CAMTA1: variants seen among roughly 807,000 people sequenced by gnomAD.
The protein encoded by CAMTA1 is calmodulin binding transcription activator 1.
In CAMTA1, 27 loss-of-function variants were observed where a neutral mutation model predicts 170.9. The ratio of observed to expected loss-of-function variants is 0.16; its 90% CI spans 0.12 to 0.22. The LOEUF (loss-of-function observed/expected upper bound fraction) is 0.22, where lower values mean the gene tolerates loss of function less well. Among genes scored for constraint, CAMTA1 ranks in the 10% least tolerant of loss-of-function variants. The probability of loss-of-function intolerance (pLI) is 1.00; values close to 1 mark genes in which losing one functional copy is unlikely to be tolerated. For synonymous variants in CAMTA1, 833 were observed against 891.5 expected, an observed-to-expected ratio of 0.93 and a Z score of 1.17; for missense variants, 1,619 against 2,217.2, an observed-to-expected ratio of 0.73 and a Z score of 5.42.
intron 3 of CAMTA1, among the ~76,000 whole-genome samples, chr1:6,901,020 A>G (rs1676820407): frequency 6.6e-6 from 1 of 152,240 alleles, no homozygotes; most frequent in Non-Finnish European, 1.5e-5. Context: ...TAATCAAGAC[A>G]GTGTGGTATT....
intron 3 of CAMTA1, among the ~76,000 whole-genome samples, chr1:6,895,845 G>T (rs576420801): frequency 8.5e-4 from 129 of 151,982 alleles, no homozygotes; most frequent in Non-Finnish European, 1.6e-3. Context: ...TGGCAGTGTG[G>T]TTTTTTTCGT....
Position 7,727,121 on chromosome 1 carries a change from A to ATTT in CAMTA1, c.2915-5310_2915-5308dup, listed in dbSNP as rs71567310. 1.0e-3 allele frequency among the ~76,000 whole-genome samples: 132 copies of ATTT among 130,334 alleles called. 2 individuals carry two copies. Among genetic ancestry groups the ATTT allele is most frequent in the Middle Eastern group, 4.2e-3 (1 of 240 alleles). 85.5% of individuals were successfully genotyped at this position (130,334 alleles called of 152,430 possible). ...ACTCCCCTTTCTCTGCCTTGTATTA[A>ATTT]TTTTTTTTTTTTTTTTTTTGAGACA... On this transcript the variant is annotated intron_variant, in intron 11 of 22. Coordinates refer to ENST00000303635, the MANE Select transcript of CAMTA1 (RefSeq NM_015215.4).
intron 3 of CAMTA1, among the ~76,000 whole-genome samples, chr1:7,075,356 G>A (rs1362872654): frequency 6.6e-6 from 1 of 152,158 alleles, no homozygotes; most frequent in Non-Finnish European, 1.5e-5. Flanking sequence ...GAAGTTTCAG[G>A]AAACAATGTT....
intron 5 of CAMTA1, among the ~76,000 whole-genome samples, chr1:7,304,949 A>AT (rs899302667): frequency 1.3e-5 from 2 of 152,070 alleles, no homozygotes; most frequent in Non-Finnish European, 2.9e-5. Context: ...TTACAAAAAA[A>AT]TGTTTTTGGT....
chr1:7,440,142 G>A (rs1183424712), intron 5 of CAMTA1, among the ~76,000 whole-genome samples: 1 of 152,272 alleles, frequency 6.6e-6, no homozygotes, highest in Non-Finnish European at 1.5e-5. Context: ...CGAGAGGGCA[G>A]GCTAGGGACT....
chr1:7,402,673 G>T (rs911388311), intron 5 of CAMTA1, among the ~76,000 whole-genome samples: 5 of 152,148 alleles, frequency 3.3e-5, no homozygotes, highest in African/African-American at 9.7e-5. Flanking sequence ...AGGGCCTTCT[G>T]TCTGGGTTTG....
In CAMTA1 at chr1:7,100,583, C is replaced by T. The variant is rs140895564; in HGVS notation, c.302+9212C>T. Among the ~76,000 whole-genome samples the T allele has an allele frequency of 6.0e-3, 912 of 152,328 alleles. 2 individuals are homozygous for T. Among genetic ancestry groups the T allele is most frequent in the Middle Eastern group, 0.01 (3 of 294 alleles). On this transcript the variant is annotated intron_variant, in intron 4 of 22. Transcript: ENST00000303635. ...AGTGCAGTTTGGAGGTTTCTAAGTG[C>T]GCAGCTGCTCAGGGCTGGGAAATCC...
intron 4 of CAMTA1, among the ~76,000 whole-genome samples, chr1:7,119,732 C>G (rs938693615): frequency 6.6e-6 from 1 of 152,152 alleles, no homozygotes; most frequent in African/African-American, 2.4e-5. Context: ...AACAATACAA[C>G]AGTAACAAAG....
At chr1:6,917,846 G>A (rs1177227851) in intron 3 of CAMTA1, among the ~76,000 whole-genome samples, 1 of 80,444 alleles carries the variant, frequency 1.2e-5, no homozygotes, top group Non-Finnish European at 3.1e-5. Context: ...AAAACCCATC[G>A]GGGGCGGGGG....
chr1:7,370,205 C>T (rs3752542), intron 5 of CAMTA1: 27,049 of 152,314 alleles, frequency 0.18, 3,046 homozygotes, highest in East Asian at 0.55. Flanking sequence ...GCTACAGCAG[C>T]AACTTTATTT....
intron 3 of CAMTA1, among the ~76,000 whole-genome samples, chr1:7,051,970 C>A (rs895277044): frequency 2.6e-5 from 4 of 151,906 alleles, no homozygotes; most frequent in Non-Finnish European, 5.9e-5. Flanking sequence ...CCCCTTCTTC[C>A]GCTCAGGGGC....
At chr1:7,698,709 C>T (rs2096405218) in intron 11 of CAMTA1, 2 of 152,422 alleles carry the variant, frequency 1.3e-5, no homozygotes, top group Admixed American at 6.5e-5. Flanking sequence ...ATGCTGTTCT[C>T]GCCAGGATCC....
At chr1:6,825,817 T>G (rs1055919837) in intron 3 of CAMTA1, among the ~76,000 whole-genome samples, 7 of 152,226 alleles carry the variant, frequency 4.6e-5, no homozygotes, top group Non-Finnish European at 8.8e-5. Context: ...TTGGTAAATT[T>G]TAATCCAGGA....
chr1:7,385,583 G>A (rs558140743), intron 5 of CAMTA1, among the ~76,000 whole-genome samples: 5 of 152,270 alleles, frequency 3.3e-5, no homozygotes, highest in Middle Eastern at 6.8e-3. Context: ...TCACTCACAG[G>A]GAGAGCCCCG....
chr1:7,149,383 CTT>C (rs2148673303), intron 4 of CAMTA1, among the ~76,000 whole-genome samples: 1 of 152,304 alleles, frequency 6.6e-6, no homozygotes, highest in South Asian at 2.1e-4. Flanking sequence ...ACGCAAGGGA[CTT>C]TGCTCATTTT....
intron 7 of CAMTA1, among the ~76,000 whole-genome samples, chr1:7,647,124 G>A (rs2148994604): frequency 6.6e-6 from 1 of 152,334 alleles, no homozygotes; most frequent in East Asian, 1.9e-4. Context: ...AGCTCAGGCT[G>A]GGAGAGGTCG....
chr1:6,811,770 G>A (rs567031411), intron 1 of CAMTA1, among the ~76,000 whole-genome samples: 3 of 152,286 alleles, frequency 2.0e-5, no homozygotes, highest in Non-Finnish European at 4.4e-5. Flanking sequence ...TCCTAGTTCT[G>A]GCTGTGTTCG....
chr1:7,593,710 C>A (rs560098194), intron 6 of CAMTA1, among the ~76,000 whole-genome samples: 1 of 149,556 alleles, frequency 6.7e-6, no homozygotes, highest in Admixed American at 6.6e-5. Flanking sequence ...AGGCTAGTCT[C>A]GAACTCCTGA....
At chr1:7,568,575 C>G (rs2095077703) in intron 6 of CAMTA1, among the ~76,000 whole-genome samples, 1 of 148,208 alleles carries the variant, frequency 6.7e-6, no homozygotes, top group African/African-American at 2.5e-5. Context: ...CACCGACAAC[C>G]ATCATCAACA....
Sources: gnomAD v4.1 joint callset for allele counts (sites outside exome capture counted in the v4.1 genomes callset) on GRCh38, gnomAD v4.1.1 for gene constraint, MANE v1.5 for transcripts, NCBI Gene and HGNC (gene_info 2026-07-23, HGNC 2026-07-21) for gene names.